The following RAD17 variants were observed in gnomAD, a reference collection of about 807,000 sequenced individuals.
RAD17 encodes the protein RAD17 checkpoint clamp loader component.
In RAD17, 31 loss-of-function variants were observed where a neutral mutation model predicts 81.5. The observed-to-expected ratio is 0.38, with a 90% CI of 0.29 to 0.51. The LOEUF is 0.51. RAD17 is among the 20% of genes least tolerant of loss of function. The probability of loss-of-function intolerance (pLI) is 0.88; values close to 1 mark genes in which losing one functional copy is unlikely to be tolerated. For missense variants in RAD17, 681 were observed against 781.2 expected (o/e 0.87, Z 1.53); for synonymous variants, 261 against 266.2 (o/e 0.98, Z 0.19).
Position 69,414,178 on chromosome 5 carries a change from T to C in RAD17, c.1899T>C (p.Pro633=). 1 of 1,614,240 alleles carries C rather than the reference T, an allele frequency of 6.2e-7. No individual in the cohort carries two copies. The highest frequency in any genetic ancestry group is 1.3e-5 in the African/African-American group (1 of 75,052). The change falls in exon 19 of 19, where the codon CCT becomes CCC. Residue 633 remains proline (P), a synonymous_variant. Transcript: ENST00000354868. Reference sequence around the variant, plus strand: ...CTGTGCCGGAAACCTGGTCTCTTCCTTTGAGTCAGAATAGTGCCAGTGAAC... The same window carrying C: ...CTGTGCCGGAAACCTGGTCTCTTCCCTTGAGTCAGAATAGTGCCAGTGAAC... The part of the protein sequence containing the change: ...QATVPETWSL[P]LSQNSASELP...
Position 69,373,686 on chromosome 5 carries a change from ATTTTTT to A in RAD17, c.10-119_10-114del, listed in dbSNP as rs56385833. On this transcript the variant is annotated intron_variant, in intron 4 of 18. Transcript: ENST00000354868. ...CAGAGTGAGACCCGGTCTCAAAAAAATTTTTTTTTTTTTTTTTTTTTTTTTTTTTTA... is the reference window on the plus strand; with the variant it reads ...CAGAGTGAGACCCGGTCTCAAAAAAATTTTTTTTTTTTTTTTTTTTTTTTA... 1,181 of 251,480 alleles carry A rather than the reference ATTTTTT, an allele frequency of 4.7e-3. 10 individuals are homozygous for A. The highest frequency in any genetic ancestry group is 0.039 in the African/African-American group (771 of 19,958). 15.6% of individuals were successfully genotyped at this position (251,480 alleles called of 1,614,324 possible).
chr5:69,386,244 A>C lies in RAD17; in HGVS notation c.763A>C (p.Asn255His). ...AATCTCGGACAGTCTCAGTGGAGAT[A>C]ATAATCAAAGGTTATTGTTTCCCAA... ...FIISDSLSGDNNQRLLFPKEI... is the reference protein window; with the variant it reads ...FIISDSLSGDHNQRLLFPKEI... Residue 255 changes from asparagine (N) to histidine (H), a missense_variant, in exon 10 of 19, where the codon AAT (asparagine) becomes CAT (histidine). Asn to His is a moderately conservative substitution (Grantham distance 68). Coordinates refer to ENST00000354868, the MANE Select transcript of RAD17 (RefSeq NM_133338.3). The C allele has an allele frequency of 6.2e-7, 1 of 1,608,380 alleles. No homozygotes were observed. The highest frequency in any genetic ancestry group is 1.7e-4 in the Middle Eastern group (1 of 6,036).
Position 69,377,551 on chromosome 5 carries a change from A to G in RAD17, c.351+2840A>G, listed in dbSNP as rs1267129444. Reference sequence around the variant, plus strand: ...TGTGTATATATACGTATATATATGCATATATATGTATATATATATGCATAT... The same window carrying G: ...TGTGTATATATACGTATATATATGCGTATATATGTATATATATATGCATAT... On this transcript the variant is annotated intron_variant, in intron 6 of 18. Coordinates refer to ENST00000354868, the MANE Select transcript of RAD17 (RefSeq NM_133338.3). Among the ~76,000 whole-genome samples, 7 of 15,386 alleles carry G rather than the reference A, an allele frequency of 4.5e-4. 3 individuals are homozygous for G. The highest frequency in any genetic ancestry group is 1.2e-3 in the Non-Finnish European group (7 of 5,744). 10.1% of individuals were successfully genotyped at this position (15,386 alleles called of 152,430 possible).
chr5:69,391,752 G>A, intron 12 of RAD17, 79 bp from the exon 13 acceptor site: 1 of 1,069,392 alleles, frequency 9.4e-7, no homozygotes. Flanking sequence ...AATATTTAGT[G>A]TAACTATATC....
At chr5:69,406,921 A>G (rs905727094) in intron 17 of RAD17, among the ~76,000 whole-genome samples, 4 of 151,926 alleles carry the variant, frequency 2.6e-5, no homozygotes, top group African/African-American at 9.7e-5. Context: ...TCTACTATAT[A>G]TATATTAAAA....
intron 6 of RAD17, among the ~76,000 whole-genome samples, chr5:69,376,912 C>T (rs1763369040): frequency 2.6e-5 from 4 of 152,132 alleles, no homozygotes; most frequent in African/African-American, 4.8e-5. Flanking sequence ...CGCCACCACA[C>T]GCAGCTAATT....
intron 17 of RAD17, among the ~76,000 whole-genome samples, chr5:69,405,933 C>T (rs1289094484): frequency 6.6e-6 from 1 of 151,192 alleles, no homozygotes; most frequent in South Asian, 2.1e-4. Flanking sequence ...TCCCAGCTAC[C>T]GTGGAGTCTG....
chr5:69,376,763 T>TC (rs34003897), intron 6 of RAD17, among the ~76,000 whole-genome samples: 3 of 6,064 alleles, frequency 4.9e-4, no homozygotes, highest in Non-Finnish European at 3.5e-3. Context: ...TCCTTCTCTC[T>TC]TTTTTTTTTC....
In RAD17 at chr5:69,386,441, A is replaced by T; in HGVS notation, c.870A>T (p.Arg290=). 1 of 1,599,956 alleles carries T rather than the reference A, an allele frequency of 6.3e-7. No individual in the cohort carries two copies. The highest frequency in any genetic ancestry group is 1.3e-5 in the African/African-American group (1 of 74,548). The change falls in exon 11 of 19, where the codon CGA becomes CGT. Residue 290 remains arginine (R), a synonymous_variant. Coordinates refer to ENST00000354868, the MANE Select transcript of RAD17 (RefSeq NM_133338.3). ...APTIMMKFLN[R]IVTIEANKNG... is the part of the protein sequence containing the mutation. Reference sequence around the variant, plus strand: ...CAATTATGATGAAATTTCTTAATCGAATAGTGACTATAGAAGCTAACAAGG... The same window carrying T: ...CAATTATGATGAAATTTCTTAATCGTATAGTGACTATAGAAGCTAACAAGG...
rs180827625 is a variant in RAD17, at chr5:69,383,744, G to T, written c.509-1053G>T. The stretch of plus-strand genomic sequence containing the variant: ...ATATTGTCTAGAATGAACTTCTTAA[G>T]CATTTAAGGGATTCTCACGACCCAA... On this transcript the variant is annotated intron_variant, in intron 7 of 18. Transcript: ENST00000354868. Among the ~76,000 whole-genome samples, 401 of 152,216 alleles carry T rather than the reference G, an allele frequency of 2.6e-3. 1 individual carries two copies. The highest frequency in any genetic ancestry group is 9.4e-3 in the African/African-American group (392 of 41,542).
chr5:69,413,927 A>C, intron 18 of RAD17, 104 bp from the exon 19 acceptor site: 2 of 1,376,056 alleles, frequency 1.5e-6, no homozygotes, highest in Non-Finnish European at 2.0e-6. Flanking sequence ...TAAACAGCAC[A>C]ATGTAGGTAA....
intron 17 of RAD17, among the ~76,000 whole-genome samples, chr5:69,407,599 CAG>C (rs1287380211): frequency 2.3e-5 from 2 of 86,490 alleles, no homozygotes; most frequent in African/African-American, 8.2e-5. Flanking sequence ...TTTTTGGAGA[CAG>C]AGTCGCCCTC....
At position 69,393,509 on chromosome 5, in the gene RAD17, A is replaced by G; in HGVS notation, c.1422+9A>G. Reference sequence around the variant, plus strand: ...TCAGTGGTGACTGGAATGTAAGACCATTTGACTTAAAATGTTTATGTTTAT... The same window carrying G: ...TCAGTGGTGACTGGAATGTAAGACCGTTTGACTTAAAATGTTTATGTTTAT... On this transcript the variant is annotated intron_variant, in intron 15 of 18. Coordinates refer to ENST00000354868, the MANE Select transcript of RAD17 (RefSeq NM_133338.3). The G allele has an allele frequency of 1.3e-6, 2 of 1,587,196 alleles. No individual in the cohort carries two copies. The highest frequency in any genetic ancestry group is 1.7e-6 in the Non-Finnish European group (2 of 1,171,592).
chr5:69,375,841 T>C (rs1250959007), intron 6 of RAD17, among the ~76,000 whole-genome samples: 1 of 152,092 alleles, frequency 6.6e-6, no homozygotes, highest in African/African-American at 2.4e-5. Flanking sequence ...CTTTTTTTTT[T>C]TCCCTGAATC....
At chr5:69,394,329 C>G (rs1764743782) in intron 15 of RAD17, among the ~76,000 whole-genome samples, 1 of 151,818 alleles carries the variant, frequency 6.6e-6, no homozygotes, top group Admixed American at 6.6e-5. Context: ...CTCAAAAGTG[C>G]TGGGATTACA....
chr5:69,403,651 G>A (rs1445692442), intron 17 of RAD17, among the ~76,000 whole-genome samples: 1 of 152,148 alleles, frequency 6.6e-6, no homozygotes, highest in South Asian at 2.1e-4. Context: ...CAGGCATGGC[G>A]GCTCATGCCT....
upstream of RAD17, chr5:69,369,493 TC>T (rs1223734603): frequency 2.5e-6 from 4 of 1,611,150 alleles, no homozygotes; most frequent in African/African-American, 1.3e-5. Context: ...AGCAACATGG[TC>T]CCCGCCGCGA....
Position 69,407,083 on chromosome 5 carries a change from A to G in RAD17, c.1694-3410A>G, listed in dbSNP as rs549734918. The stretch of plus-strand genomic sequence containing the variant: ...AGTGGCACCATCTTGGCTCACTGCA[A>G]CCTCCAATTCCCAGGTTCAAGCGAT... On this transcript the variant is annotated intron_variant, in intron 17 of 18. Transcript: ENST00000354868. Among the ~76,000 whole-genome samples the G allele has an allele frequency of 4.8e-5, 7 of 146,532 alleles. No homozygotes were observed. The South Asian group carries it at 1.5e-3, about 32-fold the overall frequency.
At chr5:69,374,522 G>A (rs887665347) in intron 5 of RAD17, 106 bp from the exon 6 acceptor site, 30 of 651,696 alleles carry the variant, frequency 4.6e-5, no homozygotes, top group Admixed American at 3.0e-4. Flanking sequence ...GATTGTTACT[G>A]ATTTGCTACT....
Sources: allele counts gnomAD v4.1 joint callset (sites outside exome capture counted in the v4.1 genomes callset), GRCh38; gene constraint gnomAD v4.1.1; transcripts MANE v1.5; gene names NCBI Gene and HGNC (gene_info 2026-07-23, HGNC 2026-07-21).